The following SH3BP4 variants were observed in gnomAD, a reference collection of about 807,000 sequenced individuals.
SH3BP4 encodes SH3 domain binding protein 4, also known as SH3 domain-binding protein 4.
SH3BP4 carries 33 observed loss-of-function variants against 65.5 expected under a neutral mutation model. That is an observed-to-expected ratio of 0.50 (90% CI 0.38 to 0.67). The LOEUF is 0.67. Among genes scored for constraint, SH3BP4 ranks in the 30% least tolerant of loss-of-function variants. The pLI is 0.00. For missense variants in SH3BP4, 1,134 were observed against 1,261.4 expected (o/e 0.90, Z 1.53); for synonymous variants, 552 against 545.5 (o/e 1.01, Z -0.17).
At chr2:235,020,953 G>A (rs1480713051) in intron 2 of SH3BP4, among the ~76,000 whole-genome samples, 1 of 152,178 alleles carries the variant, frequency 6.6e-6, no homozygotes, top group Non-Finnish European at 1.5e-5. Flanking sequence ...GGGGCAAACT[G>A]TAGTCTGCCT....
In SH3BP4 at chr2:235,042,919, A is replaced by G. The variant is rs1237440680; in HGVS notation, c.2150A>G (p.Lys717Arg). The change falls in exon 4 of 6, where the codon AAG (lysine) becomes AGG (arginine). Residue 717 changes from lysine to arginine, a missense_variant. By Grantham distance (26) the Lys-to-Arg change is conservative. Transcript: ENST00000392011. This position sits in a 1 kb window ranked among gnomAD's most constrained non-coding sequence, Gnocchi z 7.3. ...YQGRVGLVHT[K>R]NVLVVGRARP... is the part of the protein sequence containing the mutation. ...GGCAGGGTGGGCCTCGTGCACACCA[A>G]GAACGTGCTGGTGGTCGGCAGGGCC... The G allele has an allele frequency of 3.1e-6, 5 of 1,613,172 alleles. No homozygotes were observed. The highest frequency in any genetic ancestry group is 3.3e-5 in the Admixed American group (2 of 59,998).
Position 235,041,379 on chromosome 2 carries a change from G to A in SH3BP4, c.610G>A (p.Glu204Lys), listed in dbSNP as rs777809932. Residue 204 changes from glutamate to lysine, a missense_variant, in exon 4 of 6, where the codon GAA becomes AAA. Physicochemically the swap from Glu to Lys is moderately conservative, Grantham distance 56 (BLOSUM62 1). Transcript: ENST00000392011. This position sits in a 1 kb window ranked among gnomAD's most constrained non-coding sequence, Gnocchi z 6.0. Reference protein sequence around the residue: ...LFDAGTSSFTESSSATTNSTG... With the variant: ...LFDAGTSSFTKSSSATTNSTG... ...TGACGCAGGTACATCCTCCTTCACC[G>A]AATCCAGCTCAGCCACCACGAATAG... is the stretch of plus-strand genomic sequence containing the variant. 16 of 1,614,020 alleles carry A rather than the reference G, an allele frequency of 9.9e-6. No homozygotes were observed. Among genetic ancestry groups the A allele is most frequent in the Admixed American group, 8.3e-5 (5 of 60,004 alleles).
chr2:235,025,445 T>C (rs966800513), intron 2 of SH3BP4, among the ~76,000 whole-genome samples: 1 of 152,196 alleles, frequency 6.6e-6, no homozygotes. Flanking sequence ...GTCCGGGTCC[T>C]GCTTTCCCTT....
chr2:234,968,900 G>A (rs1051717590), intron 1 of SH3BP4, among the ~76,000 whole-genome samples: 23 of 152,204 alleles, frequency 1.5e-4, no homozygotes, highest in Non-Finnish European at 2.4e-4. Flanking sequence ...TATGCAAACA[G>A]TGTGCAAGTG....
At chr2:235,003,930 G>A (rs1694210973) in intron 2 of SH3BP4, among the ~76,000 whole-genome samples, 1 of 152,128 alleles carries the variant, frequency 6.6e-6, no homozygotes, top group Admixed American at 6.5e-5. Flanking sequence ...CACCCAAGAT[G>A]GCCCTAGGTA....
At chr2:234,955,222 C>T (rs773610507) in intron 1 of SH3BP4, among the ~76,000 whole-genome samples, 1 of 152,056 alleles carries the variant, frequency 6.6e-6, no homozygotes, top group African/African-American at 2.4e-5. Context: ...ACTCTCAGTG[C>T]GCGGGTCAGC....
intron 2 of SH3BP4, among the ~76,000 whole-genome samples, chr2:235,027,974 C>T (rs940315173): frequency 3.3e-5 from 5 of 152,138 alleles, no homozygotes; most frequent in Non-Finnish European, 5.9e-5. Flanking sequence ...GCAGCCGTAG[C>T]GGAGGGGGTG....
rs562982826 is a variant in SH3BP4, at chr2:235,053,462, C to T, written c.2668-130C>T. The T allele has an allele frequency of 4.4e-6, 3 of 685,334 alleles. No individual in the cohort carries two copies. In the African/African-American group the frequency reaches 5.3e-5, roughly 12 times the overall value. The allele number at this position is 685,334 out of a possible 1,614,324, so 42.5% of individuals were successfully genotyped here. On this transcript the variant is annotated intron_variant, in intron 5 of 5. Coordinates refer to ENST00000392011, the MANE Select transcript of SH3BP4 (RefSeq NM_014521.3). ...TCCACTGTTTCTTCTGTGGGCTTGT[C>T]TCACTCGTGAAAGAGTGTCCCAAAT... is the stretch of plus-strand genomic sequence containing the variant.
At chr2:235,048,497 ATTT>A (rs59151071) in intron 4 of SH3BP4, among the ~76,000 whole-genome samples, 2 of 142,520 alleles carry the variant, frequency 1.4e-5, no homozygotes, top group Non-Finnish European at 1.5e-5. Context: ...CACCCAGCTA[ATTT>A]TTTTTTTTTT....
chr2:234,962,244 C>A (rs181375483), intron 1 of SH3BP4, among the ~76,000 whole-genome samples: 227 of 152,212 alleles, frequency 1.5e-3, no homozygotes, highest in Non-Finnish European at 2.6e-3. Flanking sequence ...TCAAGTGATT[C>A]TTGTGCCTCA....
chr2:234,995,682 C>T (rs376034927), intron 2 of SH3BP4: 3 of 152,438 alleles, frequency 2.0e-5, no homozygotes, highest in East Asian at 1.9e-4. Flanking sequence ...CCCCGTGTTT[C>T]TCTTTTCAGC....
intron 2 of SH3BP4, among the ~76,000 whole-genome samples, chr2:235,015,249 TGAGTAAAAATAA>T (rs112123313): frequency 0.018 from 2,777 of 152,314 alleles, 70 homozygotes; most frequent in African/African-American, 0.062. Context: ...GCAGCAAGGC[TGAGTAAAAATAA>T]GAGTATGTCA....
chr2:235,050,632 G>T (rs895251496), intron 4 of SH3BP4, among the ~76,000 whole-genome samples: 1 of 151,942 alleles, frequency 6.6e-6, no homozygotes, highest in South Asian at 2.1e-4. Flanking sequence ...GCTAATGCAT[G>T]CCACAAGTCG....
rs995293533 is a variant in SH3BP4, at chr2:234,976,802, C to T, written c.-206-18501C>T. ...AGAATACCTAACCAGGCCTCCTCTACTGTCAAGGTCACCCAAAACACACAA... is the reference window on the plus strand; with the variant it reads ...AGAATACCTAACCAGGCCTCCTCTATTGTCAAGGTCACCCAAAACACACAA... On this transcript the variant is annotated intron_variant, in intron 1 of 5. Transcript: ENST00000392011. This position sits in a 1 kb window ranked among gnomAD's most constrained non-coding sequence, Gnocchi z 4.7. 6.6e-6 allele frequency among the ~76,000 whole-genome samples: 1 copy of T among 152,166 alleles called. No individual in the cohort carries two copies. Among genetic ancestry groups the T allele is most frequent in the Non-Finnish European group, 1.5e-5 (1 of 68,042 alleles).
intron 2 of SH3BP4, among the ~76,000 whole-genome samples, chr2:235,019,519 C>T (rs1694788218): frequency 1.3e-5 from 2 of 150,880 alleles, no homozygotes; most frequent in South Asian, 2.1e-4. Context: ...TCACTGCCAC[C>T]TCCGCCTCCT....
intron 1 of SH3BP4, among the ~76,000 whole-genome samples, chr2:234,986,467 CTGCCA>C (rs1693562690): frequency 6.6e-6 from 1 of 152,338 alleles, no homozygotes; most frequent in Admixed American, 6.5e-5. Context: ...ATTTTATAAC[CTGCCA>C]TGGGAAAAGG....
intron 3 of SH3BP4, among the ~76,000 whole-genome samples, chr2:235,039,534 A>G (rs913152376): frequency 7.9e-5 from 12 of 151,678 alleles, no homozygotes; most frequent in Middle Eastern, 3.2e-3. Context: ...CTTTCTTTCA[A>G]TTGTTTATTA....
intron 2 of SH3BP4, among the ~76,000 whole-genome samples, chr2:235,019,251 G>A (rs1446389097): frequency 6.6e-6 from 1 of 152,120 alleles, no homozygotes; most frequent in Admixed American, 6.5e-5. Flanking sequence ...GCGCTGCAGG[G>A]CACTCAGGTG....
At chr2:235,036,249 G>A (rs1695375066) in intron 3 of SH3BP4, among the ~76,000 whole-genome samples, 1 of 152,238 alleles carries the variant, frequency 6.6e-6, no homozygotes. Context: ...TCTAGCCCGT[G>A]TGAGATTTTA....
Sources: allele counts gnomAD v4.1 joint callset (sites outside exome capture counted in the v4.1 genomes callset), GRCh38; gene constraint gnomAD v4.1.1; non-coding constraint Gnocchi (gnomAD v3.1); transcripts MANE v1.5; gene names NCBI Gene and HGNC (gene_info 2026-07-23, HGNC 2026-07-21).